The following NR2C2 variants were observed in gnomAD, a reference collection of about 807,000 sequenced individuals.
The protein encoded by NR2C2 is Nuclear hormone receptor TR4.
A neutral mutation model predicts 62.9 loss-of-function variants in NR2C2; 6 were observed. The observed-to-expected ratio is 0.10, with a 90% confidence interval of 0.05 to 0.19. The LOEUF is 0.19. NR2C2 is among the 10% of genes least tolerant of loss of function. The pLI is 1.00. For synonymous variants in NR2C2, 272 were observed against 273.8 expected (o/e 0.99, Z 0.07); for missense variants, 479 against 762.7 (o/e 0.63, Z 4.38).
chr3:14,965,886 C>T (rs768706348), intron 1 of NR2C2, among the ~76,000 whole-genome samples: 6 of 152,104 alleles, frequency 3.9e-5, no homozygotes, highest in Admixed American at 1.3e-4. Context: ...GCAGGCTGGT[C>T]TTGAACTCCT....
At chr3:15,033,792 CAG>C (rs746092134) in intron 10 of NR2C2, among the ~76,000 whole-genome samples, 12 of 152,228 alleles carry the variant, frequency 7.9e-5, no homozygotes, top group East Asian at 3.9e-4. Context: ...ACCTCCTCCA[CAG>C]AGTTTCTCAG....
intron 11 of NR2C2, 58 bp from the exon 12 acceptor site, chr3:15,037,942 T>C (rs1022383781): frequency 1.3e-6 from 2 of 1,532,444 alleles, no homozygotes; most frequent in Non-Finnish European, 1.8e-6. Flanking sequence ...GCCCCTCAAA[T>C]AAGCTGGTTT....
chr3:14,966,187 C>G (rs1447023795), intron 1 of NR2C2, among the ~76,000 whole-genome samples: 10 of 152,148 alleles, frequency 6.6e-5, no homozygotes, highest in Non-Finnish European at 1.2e-4. Flanking sequence ...ATTGTTTACT[C>G]AATCAGCAGA....
Position 15,013,728 on chromosome 3 carries a change from C to T in NR2C2, c.212C>T (p.Thr71Ile). The T allele has an allele frequency of 6.2e-7, 1 of 1,614,252 alleles. No individual in the cohort carries two copies. Among genetic ancestry groups the T allele is most frequent in the Non-Finnish European group, 8.5e-7 (1 of 1,180,032 alleles). The change falls in exon 3 of 14, where the codon ACA (threonine) becomes ATA (isoleucine). Residue 71 changes from threonine (T) to isoleucine (I), a missense_variant. Thr to Ile is a moderately conservative substitution (Grantham distance 89, BLOSUM62 -1). Around this residue, in one of 4 missense-constraint regions of NR2C2, gnomAD observed 115 missense variants for 152.3 expected, o/e 0.76. Coordinates refer to ENST00000425241, the MANE Select transcript of NR2C2 (RefSeq NM_001291694.2). ...TGKVILASPETSSAKQLIFTT... is the reference protein window; with the variant it reads ...TGKVILASPEISSAKQLIFTT... ...AAGGTGATCCTGGCTTCCCCAGAGA[C>T]ATCCAGCGCCAAGCAACTCATATTC...
intron 2 of NR2C2, among the ~76,000 whole-genome samples, chr3:15,006,742 C>T (rs2041182998): frequency 6.6e-6 from 1 of 150,964 alleles, no homozygotes; most frequent in African/African-American, 2.4e-5. Context: ...GAACACTAAA[C>T]ATTTATTTGG....
chr3:14,968,828 C>T (rs1431143795), intron 1 of NR2C2, among the ~76,000 whole-genome samples: 3 of 142,794 alleles, frequency 2.1e-5, no homozygotes, highest in African/African-American at 8.0e-5. Context: ...AGTTCATGTC[C>T]TTTGTAGGGA....
intron 1 of NR2C2, among the ~76,000 whole-genome samples, chr3:14,972,757 G>T (rs2040082182): frequency 6.6e-6 from 1 of 152,154 alleles, no homozygotes; most frequent in Non-Finnish European, 1.5e-5. Flanking sequence ...TTCTGGGGAG[G>T]CCTCAGAGAG....
intron 1 of NR2C2, among the ~76,000 whole-genome samples, chr3:14,998,459 C>T (rs1434308309): frequency 6.6e-6 from 1 of 152,204 alleles, no homozygotes; most frequent in Non-Finnish European, 1.5e-5. Flanking sequence ...TGTAGCCATC[C>T]TAGTGGATAT....
rs1386299683 is a variant in NR2C2, at chr3:15,046,463, C to T, written c.*3455C>T. On this transcript the variant is annotated 3_prime_UTR_variant, in exon 14 of 14. Coordinates refer to ENST00000425241, the MANE Select transcript of NR2C2 (RefSeq NM_001291694.2). ...CAAGGAGCAAAAAATTCTAAGGACT[C>T]TAGCTGTTTCTAGTGCTTTTACTTT... 1 of 152,248 alleles carries T rather than the reference C, an allele frequency of 6.6e-6. No homozygotes were observed. The highest frequency in any genetic ancestry group is 2.4e-5 in the African/African-American group (1 of 41,462). The allele number at this position is 152,248 out of a possible 1,614,324, so 9.4% of individuals were successfully genotyped here. A position where few individuals can be genotyped will look rare whatever the true frequency, so the allele number is the denominator to read the frequency against.
chr3:14,984,277 G>A (rs576508692), intron 1 of NR2C2, among the ~76,000 whole-genome samples: 47 of 151,920 alleles, frequency 3.1e-4, no homozygotes, highest in African/African-American at 9.9e-4. Flanking sequence ...TTTTTCCCTG[G>A]TCATTTTCAC....
At chr3:15,001,117 T>A (rs552942696) in intron 1 of NR2C2, among the ~76,000 whole-genome samples, 2 of 151,830 alleles carry the variant, frequency 1.3e-5, no homozygotes, top group Non-Finnish European at 2.9e-5. Context: ...CCCAGCCTAT[T>A]TAGGTGTTTT....
intron 7 of NR2C2, among the ~76,000 whole-genome samples, chr3:15,024,639 C>G (rs1226115005): frequency 6.6e-6 from 1 of 152,170 alleles, no homozygotes; most frequent in Non-Finnish European, 1.5e-5. Flanking sequence ...TTTGCTAGAG[C>G]AGATCAGTCA....
intron 13 of NR2C2, chr3:15,042,334 C>T (rs1303005151): frequency 6.6e-6 from 1 of 152,338 alleles, no homozygotes; most frequent in Non-Finnish European, 1.5e-5. Flanking sequence ...CACCTCAAAT[C>T]CCAATACCCA....
chr3:14,968,901 C>T (rs1381049209), intron 1 of NR2C2, among the ~76,000 whole-genome samples: 6 of 146,684 alleles, frequency 4.1e-5, no homozygotes, highest in South Asian at 2.2e-4. Context: ...AACCAAACAC[C>T]GCATATTCTC....
At chr3:14,981,765 G>C (rs2040377129) in intron 1 of NR2C2, among the ~76,000 whole-genome samples, 1 of 152,164 alleles carries the variant, frequency 6.6e-6, no homozygotes, top group Admixed American at 6.5e-5. Context: ...CCAAAGGCCT[G>C]AGAGCCCCTG....
intron 2 of NR2C2, chr3:15,004,636 C>G: frequency 6.2e-7 from 1 of 1,608,368 alleles, no homozygotes; most frequent in Non-Finnish European, 8.5e-7. Context: ...AGCTTGAAGG[C>G]AAAAAGCTGG....
chr3:14,992,520 G>T (rs543865009), intron 1 of NR2C2, among the ~76,000 whole-genome samples: 2 of 152,196 alleles, frequency 1.3e-5, no homozygotes, highest in Admixed American at 1.3e-4. Context: ...ATTCATTGTG[G>T]GCCTAATATG....
rs888926929 is a variant in NR2C2, at chr3:15,016,253, C to T, written c.375C>T (p.Ser125=). Residue 125 remains serine, a splice_region_variant and synonymous_variant, in exon 4 of 14, where the codon TCC becomes TCT. Transcript: ENST00000425241. ...EYCVVCGDKA[S]GRHYGAVSCE... ...GTGTGGTCTGTGGCGACAAAGCCTCCGGTATGTAGTTCCAGGTTATGCTGG... is the reference window on the plus strand; with the variant it reads ...GTGTGGTCTGTGGCGACAAAGCCTCTGGTATGTAGTTCCAGGTTATGCTGG... 9 of 1,610,990 alleles carry T rather than the reference C, an allele frequency of 5.6e-6. No individual in the cohort carries two copies. Among genetic ancestry groups the T allele is most frequent in the East Asian group, 2.2e-5 (1 of 44,860 alleles).
intron 1 of NR2C2, among the ~76,000 whole-genome samples, chr3:14,955,448 C>T (rs532729792): frequency 1.5e-4 from 22 of 149,812 alleles, no homozygotes; most frequent in Middle Eastern, 6.8e-3. Context: ...TTTTTTCATT[C>T]TCTCCTTGAC....
Sources: allele counts gnomAD v4.1 joint callset (sites outside exome capture counted in the v4.1 genomes callset), GRCh38; gene constraint gnomAD v4.1.1; regional missense constraint gnomAD v4.1.1; transcripts MANE v1.5; gene names NCBI Gene and HGNC (gene_info 2026-07-23, HGNC 2026-07-21).